Variants in LRRC37B observed in about 807,000 individuals in gnomAD.
LRRC37B encodes the protein leucine rich repeat containing 37B, also known as leucine-rich repeat-containing protein 37B.
In LRRC37B, 28 loss-of-function variants were observed where a neutral mutation model predicts 98.3. That is an observed-to-expected ratio of 0.28 (90% CI 0.21 to 0.39). The LOEUF is 0.39. Among genes scored for constraint, LRRC37B ranks in the 10% least tolerant of loss-of-function variants. The pLI, the probability that LRRC37B is intolerant of heterozygous loss-of-function variation, is 1.00. For missense variants in LRRC37B, 938 were observed against 1,182.7 expected (o/e 0.79, Z 3.03); for synonymous variants, 364 against 442.7 (o/e 0.82, Z 2.23).
chr17:32,017,813 A>C (rs1038909379), upstream of LRRC37B, among the ~76,000 whole-genome samples: 4 of 151,946 alleles, frequency 2.6e-5, no homozygotes, highest in Non-Finnish European at 5.9e-5. Context: ...GAAAACAAAC[A>C]AAAAAACGAA....
intron 2 of LRRC37B, among the ~76,000 whole-genome samples, chr17:32,027,337 G>A (rs1026783127): frequency 7.2e-5 from 11 of 151,852 alleles, no homozygotes; most frequent in Non-Finnish European, 1.5e-4. Context: ...GTGCTTGCAC[G>A]TGTGTGCTTG....
At chr17:32,035,105 A>G in intron 6 of LRRC37B, 124 bp downstream of exon 9, 1 of 717,364 alleles carries the variant, frequency 1.4e-6, no homozygotes, top group South Asian at 2.0e-5. Context: ...GAGTTATTGA[A>G]AAAAGTTATT....
rs576896368 is a variant in LRRC37B, at chr17:32,034,041, A to G, written c.2058-869A>G. On this transcript the variant is annotated intron_variant, in intron 5 of 11. Transcript: ENST00000327564. ...TACATGCAGTGTAACGAAGGCTGTG[A>G]TGTCATACAGGAAGACAAGTGGGAG... 2.0e-5 allele frequency: 3 copies of G among 152,344 alleles called. No individual in the cohort carries two copies. The East Asian group carries it at 5.8e-4, about 29-fold the overall frequency. 9.4% of individuals were successfully genotyped at this position (152,344 alleles called of 1,614,324 possible). A position where few individuals can be genotyped will look rare whatever the true frequency, so the allele number is the denominator to read the frequency against.
At chr17:32,023,451 ACT>A (rs1910861283) in intron 1 of LRRC37B, among the ~76,000 whole-genome samples, 1 of 151,736 alleles carries the variant, frequency 6.6e-6, no homozygotes, top group African/African-American at 2.4e-5. Flanking sequence ...GCAGCCTGTC[ACT>A]CTCCCAATCT....
intron 1 of LRRC37B, among the ~76,000 whole-genome samples, chr17:32,010,395 G>A (rs574869578): frequency 6.6e-4 from 100 of 152,236 alleles, no homozygotes; most frequent in African/African-American, 2.0e-3. Context: ...TTACAAAAAC[G>A]GGTAGTGGAT....
At position 32,025,124 on chromosome 17, in the gene LRRC37B, C is replaced by T. The variant is rs1031253508; in HGVS notation, c.1832+342C>T. Among the ~76,000 whole-genome samples the T allele has an allele frequency of 2.9e-4, 38 of 129,610 alleles. 1 individual carries two copies. In the South Asian group the frequency reaches 0.011, roughly 38 times the overall value. 85.0% of individuals were successfully genotyped at this position (129,610 alleles called of 152,430 possible). A position where few individuals can be genotyped will look rare whatever the true frequency, so the allele number is the denominator to read the frequency against. On this transcript the variant is annotated intron_variant, in intron 2 of 11. Transcript: ENST00000327564. ...TAATCACATCTCACTGCAGCCTTCACCTCCCAGGCACAAGTGATCCTCCCA... is the reference window on the plus strand; with the variant it reads ...TAATCACATCTCACTGCAGCCTTCATCTCCCAGGCACAAGTGATCCTCCCA...
intron 9 of LRRC37B, among the ~76,000 whole-genome samples, chr17:32,048,581 G>A (rs1911652864): frequency 6.6e-6 from 1 of 151,824 alleles, no homozygotes; most frequent in Admixed American, 6.6e-5. Context: ...AATGGCAATG[G>A]CTAGAGTGAA....
intron 2 of LRRC37B, among the ~76,000 whole-genome samples, chr17:32,026,181 T>G (rs1244787480): frequency 6.6e-6 from 1 of 152,202 alleles, no homozygotes; most frequent in African/African-American, 2.4e-5. Flanking sequence ...CATCATTAGT[T>G]TGACTTATAT....
At chr17:32,018,632 G>A (rs762313700), upstream of LRRC37B, among the ~76,000 whole-genome samples, 1 of 152,104 alleles carries the variant, frequency 6.6e-6, no homozygotes, top group Non-Finnish European at 1.5e-5. Flanking sequence ...TTGAACACAG[G>A]CCTTTTTAGA....
intron 6 of LRRC37B, among the ~76,000 whole-genome samples, chr17:32,035,335 T>G (rs1340868437): frequency 6.6e-6 from 1 of 150,768 alleles, no homozygotes; most frequent in African/African-American, 2.4e-5. Context: ...AGTAAGATAA[T>G]GGTAAAAAAA....
intron 6 of LRRC37B, 63 bp from the exon 10 acceptor site, chr17:32,035,502 T>C: frequency 6.7e-7 from 1 of 1,501,464 alleles, no homozygotes; most frequent in Admixed American, 1.8e-5. Flanking sequence ...CCTTGAATTA[T>C]CTTTTGAAGT....
chr17:32,024,601 G>A (rs1465198864), intron 1 of LRRC37B, 110 bp from the exon 5 acceptor site: 4 of 1,580,100 alleles, frequency 2.5e-6, no homozygotes. Flanking sequence ...GAGAAAGCAG[G>A]TGTTATTTTC....
At chr17:32,045,428 G>A (rs1021571600) in intron 7 of LRRC37B, 1 of 368,054 alleles carries the variant, frequency 2.7e-6, no homozygotes, top group African/African-American at 2.0e-5. Flanking sequence ...GTCGGGAAGA[G>A]ATACCTCTGA....
chr17:32,024,672 G>T (rs773620619), intron 1 of LRRC37B, 39 bp from the exon 5 acceptor site: 10 of 1,606,184 alleles, frequency 6.2e-6, no homozygotes, highest in East Asian at 2.2e-5. Flanking sequence ...TTCATTCTTT[G>T]CGTGCCTATT....
At chr17:32,027,024 G>GAAATT (rs748243835) in intron 2 of LRRC37B, among the ~76,000 whole-genome samples, 2,180 of 152,150 alleles carry the variant, frequency 0.014, 21 homozygotes, top group African/African-American at 0.024. Flanking sequence ...CCCTGTCTCA[G>GAAATT]AAATTAAATT....
intron 8 of LRRC37B, among the ~76,000 whole-genome samples, chr17:32,046,599 CTT>C (rs796570580): frequency 1.5e-4 from 20 of 132,844 alleles, no homozygotes; most frequent in Non-Finnish European, 2.5e-4. Flanking sequence ...TTCTTTTTTT[CTT>C]TTTTTTTTTT....
chr17:32,016,107 G>T (rs1236141398), upstream of LRRC37B, among the ~76,000 whole-genome samples: 1 of 152,182 alleles, frequency 6.6e-6, no homozygotes, highest in African/African-American at 2.4e-5. Flanking sequence ...CCGTTGACTA[G>T]TTCATCCAAA....
upstream of LRRC37B, among the ~76,000 whole-genome samples, chr17:32,019,075 C>T (rs1910707472): frequency 6.6e-6 from 1 of 152,128 alleles, no homozygotes; most frequent in Non-Finnish European, 1.5e-5. Flanking sequence ...TATAGGCACG[C>T]ACCACCATAC....
intron 2 of LRRC37B, among the ~76,000 whole-genome samples, chr17:32,026,631 G>A (rs1279345126): frequency 6.6e-6 from 1 of 152,136 alleles, no homozygotes; most frequent in Non-Finnish European, 1.5e-5. Context: ...GTTTCACCAT[G>A]TTGGACGGGC....
Sources: gnomAD v4.1 joint callset for allele counts (sites outside exome capture counted in the v4.1 genomes callset) on GRCh38, gnomAD v4.1.1 for gene constraint, MANE v1.5 for transcripts, NCBI Gene and HGNC (gene_info 2026-07-23, HGNC 2026-07-21) for gene names.